Variants in LHX6 observed in about 807,000 individuals in gnomAD.
LHX6 encodes LIM/homeobox protein Lhx6.
Under a neutral mutation model 47.1 loss-of-function variants are expected in LHX6, and 15 were observed. That is an observed-to-expected ratio of 0.32 (90% confidence interval 0.21 to 0.49). The LOEUF is 0.49. LHX6 is among the 20% of genes least tolerant of loss of function. The pLI, the probability that LHX6 is intolerant of heterozygous loss-of-function variation, is 0.99. For missense variants in LHX6, 404 were observed against 539.6 expected (o/e 0.75, Z 2.49); for synonymous variants, 242 against 233.5 (o/e 1.04, Z -0.33).
At chr9:122,221,417 CT>C in intron 4 of LHX6, 1 of 985,594 alleles carries the variant, frequency 1.0e-6, no homozygotes, top group Non-Finnish European at 1.2e-6. Flanking sequence ...GGGACCCTCG[CT>C]TTGCGGGAGG....
Position 122,217,159 on chromosome 9 carries a change from A to C in LHX6, c.591T>G (p.Thr197=), listed in dbSNP as rs748394379. Residue 197 remains threonine, a synonymous_variant, in exon 5 of 10, where the codon ACT becomes ACG. Coordinates refer to ENST00000394319, the MANE Select transcript of LHX6 (RefSeq NM_014368.5). This position sits in a 1 kb window ranked among gnomAD's most constrained non-coding sequence, Gnocchi z 4.9. The part of the protein sequence containing the change: ...ACFSCKRQLS[T]GEEFGLVEEK... ...CCTCGACCAGGCCGAACTCCTCACC[A>C]GTGGACAGCTGGCGCTTGCACGAGA... The C allele has an allele frequency of 1.9e-6, 3 of 1,614,106 alleles. No homozygotes were observed. Among genetic ancestry groups the C allele is most frequent in the Non-Finnish European group, 2.5e-6 (3 of 1,180,028 alleles).
intron 4 of LHX6, among the ~76,000 whole-genome samples, chr9:122,223,134 C>CT (rs1830942093): frequency 6.6e-6 from 1 of 152,174 alleles, no homozygotes; most frequent in African/African-American, 2.4e-5. Flanking sequence ...ACTCGATCGG[C>CT]TTTTTCTTTC....
intron 9 of LHX6, among the ~76,000 whole-genome samples, chr9:122,209,122 C>T (rs1168996238): frequency 6.6e-6 from 1 of 152,206 alleles, no homozygotes. Flanking sequence ...AGCTAAGCAC[C>T]CTTTTAGAAG....
chr9:122,220,649 C>T (rs963443543), intron 4 of LHX6, among the ~76,000 whole-genome samples: 15 of 152,234 alleles, frequency 9.9e-5, no homozygotes, highest in African/African-American at 3.6e-4. Flanking sequence ...GCTGTGAGGT[C>T]CGGGCCTTGC....
At position 122,213,580 on chromosome 9, in the gene LHX6, C is replaced by T. The variant is rs200272141; in HGVS notation, c.1054+26G>A. The T allele has an allele frequency of 2.6e-5, 40 of 1,529,266 alleles. No individual in the cohort carries two copies. Among genetic ancestry groups the T allele is most frequent in the Middle Eastern group, 2.0e-4 (1 of 5,032 alleles). 94.7% of individuals were successfully genotyped at this position (1,529,266 alleles called of 1,614,324 possible). A position where few individuals can be genotyped will look rare whatever the true frequency, so the allele number is the denominator to read the frequency against. ...CCGCGCCCCCTCCCCGCAGGCCCAG[C>T]GGCTCCCGGCGCTGCGGTTACTTAC... On this transcript the variant is annotated intron_variant, in intron 8 of 9. Transcript: ENST00000394319. This position sits in a 1 kb window ranked among gnomAD's most constrained non-coding sequence, Gnocchi z 5.5.
chr9:122,225,404 C>T (rs1831052261), intron 4 of LHX6, among the ~76,000 whole-genome samples: 1 of 152,270 alleles, frequency 6.6e-6, no homozygotes, highest in South Asian at 2.1e-4. Context: ...CAGACAAGGC[C>T]ATGACCCTGC....
At chr9:122,221,281 C>A in intron 4 of LHX6, 2 of 985,536 alleles carry the variant, frequency 2.0e-6, no homozygotes, top group Non-Finnish European at 2.4e-6. Flanking sequence ...TCTCGGAGGT[C>A]CCGGCCCCGA....
In LHX6 at chr9:122,204,649, G is replaced by T; in HGVS notation, c.*111C>A. 1 of 1,333,286 alleles carries T rather than the reference G, an allele frequency of 7.5e-7. No homozygotes were observed. Among genetic ancestry groups the T allele is most frequent in the Non-Finnish European group, 1.0e-6 (1 of 965,068 alleles). The allele number at this position is 1,333,286 out of a possible 1,614,324, so 82.6% of individuals were successfully genotyped here. On this transcript the variant is annotated 3_prime_UTR_variant, in exon 10 of 10. Transcript: ENST00000394319. ...CTGGTGGTGGGCAGGATGGCGGACG[G>T]GGGTGGATGCGGAGGTGGGTGGACT... is the stretch of plus-strand genomic sequence containing the variant.
chr9:122,218,261 G>T (rs1830671749), intron 4 of LHX6, among the ~76,000 whole-genome samples: 1 of 152,084 alleles, frequency 6.6e-6, no homozygotes, highest in Admixed American at 6.5e-5. Flanking sequence ...GTTCTTTAAA[G>T]TGGATGACTC....
At chr9:122,222,992 TG>T (rs1368384839) in intron 4 of LHX6, among the ~76,000 whole-genome samples, 1 of 152,170 alleles carries the variant, frequency 6.6e-6, no homozygotes, top group East Asian at 1.9e-4. Context: ...GACCCCTCCC[TG>T]GGCCCCAGCT....
rs777904963 is a variant in LHX6 at position 122,217,078 on chromosome 9, G to A, written c.672C>T (p.Ala224=). Residue 224 remains alanine, a synonymous_variant, in exon 5 of 10, where the codon GCC becomes GCT. Coordinates refer to ENST00000394319, the MANE Select transcript of LHX6 (RefSeq NM_014368.5). This position sits in a 1 kb window ranked among gnomAD's most constrained non-coding sequence, Gnocchi z 4.9. ...GAGCAGGTTGGGTACCGTTCTCGGC[G>A]GCCCTCTTGAGGTTCTCAATCATGG... ...YDTMIENLKR[A]AENGNGLTLE... 7 of 1,614,046 alleles carry A rather than the reference G, an allele frequency of 4.3e-6. No individual in the cohort carries two copies. Among genetic ancestry groups the A allele is most frequent in the Non-Finnish European group, 3.4e-6 (4 of 1,179,932 alleles).
At chr9:122,209,392 G>C (rs764900100) in intron 9 of LHX6, among the ~76,000 whole-genome samples, 7 of 152,250 alleles carry the variant, frequency 4.6e-5, no homozygotes, top group African/African-American at 2.4e-5. Context: ...ACTGCCAGTG[G>C]GGAGCTGCAA....
Position 122,203,741 on chromosome 9 carries a change from C to T in LHX6, c.*1019G>A, listed in dbSNP as rs1830067045. On this transcript the variant is annotated 3_prime_UTR_variant, in exon 10 of 10. Coordinates refer to ENST00000394319, the MANE Select transcript of LHX6 (RefSeq NM_014368.5). ...CTAGGCAATGGGCACCCTCTCTCTA[C>T]TTAGAGATGGATCCAGGGTTAACAT... is the stretch of plus-strand genomic sequence containing the variant. The T allele has an allele frequency of 6.6e-6, 1 of 152,642 alleles. No individual in the cohort carries two copies. The highest frequency in any genetic ancestry group is 1.5e-5 in the Non-Finnish European group (1 of 68,080). The allele number at this position is 152,642 out of a possible 1,614,324, so 9.5% of individuals were successfully genotyped here.
At chr9:122,221,838 A>C in intron 4 of LHX6, 82 of 426,176 alleles carry the variant, frequency 1.9e-4, no homozygotes, top group Non-Finnish European at 2.5e-4. Flanking sequence ...GATATATCTC[A>C]CCTATAGAAG....
intron 1 of LHX6, chr9:122,227,717 G>C: frequency 2.5e-6 from 2 of 812,426 alleles, no homozygotes; most frequent in Non-Finnish European, 3.4e-6. Context: ...TTAACCCGTG[G>C]CTCTTGAAGT....
In LHX6 at chr9:122,213,506, C is replaced by T; in HGVS notation, c.1054+100G>A. The T allele has an allele frequency of 8.9e-7, 1 of 1,126,714 alleles. No individual in the cohort carries two copies. The allele number at this position is 1,126,714 out of a possible 1,614,324, so 69.8% of individuals were successfully genotyped here. A position where few individuals can be genotyped will look rare whatever the true frequency, so the allele number is the denominator to read the frequency against. ...CCGCTTCTTCACCCACGAGGCTCCC[C>T]AAGGCCCTCCACCCCACGCCTCGGC... is the stretch of plus-strand genomic sequence containing the variant. On this transcript the variant is annotated intron_variant, in intron 8 of 9. Transcript: ENST00000394319. The surrounding 1 kb of genome is among the most constrained non-coding windows in gnomAD (Gnocchi z 5.5).
At chr9:122,216,924 C>T (rs1235198046) in intron 5 of LHX6, 144 bp downstream of exon 5, 2 of 658,364 alleles carry the variant, frequency 3.0e-6, no homozygotes, top group Non-Finnish European at 5.2e-6. Flanking sequence ...AAGATCTGTT[C>T]GCCGCCCCAC....
At position 122,228,855 on chromosome 9, in the gene LHX6, C is replaced by A; in HGVS notation, c.-115G>T. On this transcript the variant is annotated 5_prime_UTR_variant, in exon 1 of 10. Coordinates refer to ENST00000394319, the MANE Select transcript of LHX6 (RefSeq NM_014368.5). Reference sequence around the variant, plus strand: ...AGGAGCAGGAGGAGAGCCGAGGCGCCGGCCCCGCCGCCCCGGGCCCGGCCT... The same window carrying A: ...AGGAGCAGGAGGAGAGCCGAGGCGCAGGCCCCGCCGCCCCGGGCCCGGCCT... 1.6e-6 allele frequency: 1 copy of A among 629,514 alleles called. No homozygotes were observed. The highest frequency in any genetic ancestry group is 4.7e-5 in the East Asian group (1 of 21,106). 39.0% of individuals were successfully genotyped at this position (629,514 alleles called of 1,614,324 possible). A position where few individuals can be genotyped will look rare whatever the true frequency, so the allele number is the denominator to read the frequency against.
chr9:122,228,355 C>A, intron 1 of LHX6: 1 of 1,531,392 alleles, frequency 6.5e-7, no homozygotes, highest in Non-Finnish European at 8.7e-7. Context: ...ACCCCCGGCG[C>A]ATCGGCGCTA....
Sources: gnomAD v4.1 joint callset for allele counts (sites outside exome capture counted in the v4.1 genomes callset) on GRCh38, gnomAD v4.1.1 for gene constraint, Gnocchi (gnomAD v3.1) non-coding constraint, MANE v1.5 for transcripts, NCBI Gene and HGNC (gene_info 2026-07-23, HGNC 2026-07-21) for gene names.